The following PPP2R5E variants were observed in gnomAD, a reference collection of about 807,000 sequenced individuals.
PPP2R5E encodes serine/threonine-protein phosphatase 2A 56 kDa regulatory subunit epsilon isoform.
A neutral mutation model predicts 65.3 loss-of-function variants in PPP2R5E; 4 were observed. The observed-to-expected ratio is 0.06, with a 90% CI of 0.03 to 0.14. The LOEUF (loss-of-function observed/expected upper bound fraction) is 0.14, where lower values mean the gene tolerates loss of function less well. Among genes scored for constraint, PPP2R5E ranks in the 10% least tolerant of loss-of-function variants. The pLI, the probability that PPP2R5E is intolerant of heterozygous loss-of-function variation, is 1.00. For synonymous variants in PPP2R5E, 183 were observed against 187.4 expected (o/e 0.98, Z 0.19); for missense variants, 274 against 556.1 (o/e 0.49, Z 5.10).
chr14:63,492,245 AAAT>A (rs1179760400), intron 2 of PPP2R5E, among the ~76,000 whole-genome samples: 1 of 152,108 alleles, frequency 6.6e-6, no homozygotes, highest in Admixed American at 6.6e-5. Flanking sequence ...AAGGAAGAAA[AAAT>A]AATAATGCTT....
intron 5 of PPP2R5E, among the ~76,000 whole-genome samples, chr14:63,407,501 T>A (rs1283822939): frequency 6.6e-6 from 1 of 152,228 alleles, no homozygotes; most frequent in Non-Finnish European, 1.5e-5. Flanking sequence ...AATGAGAATG[T>A]ACTTGCAGAT....
chr14:63,475,187 G>A (rs1036174944), intron 2 of PPP2R5E, among the ~76,000 whole-genome samples: 6 of 152,068 alleles, frequency 3.9e-5, no homozygotes, highest in African/African-American at 7.3e-5. Flanking sequence ...TCCTGCCTTC[G>A]TCAACTCTTT....
At position 63,381,911 on chromosome 14, in the gene PPP2R5E, C is replaced by T. The variant is rs1038116450; in HGVS notation, c.1304+145G>A. 15 of 601,856 alleles carry T rather than the reference C, an allele frequency of 2.5e-5. No individual in the cohort carries two copies. The Admixed American group carries it at 4.4e-4, about 18-fold the overall frequency. The allele number at this position is 601,856 out of a possible 1,614,324, so 37.3% of individuals were successfully genotyped here. A position where few individuals can be genotyped will look rare whatever the true frequency, so the allele number is the denominator to read the frequency against. On this transcript the variant is annotated intron_variant, in intron 13 of 13. Transcript: ENST00000337537. Reference sequence around the variant, plus strand: ...TTGCCTAAGGATGCATTTCTCAGAACATATACTGGTTGTTAAGTAATGCAT... The same window carrying T: ...TTGCCTAAGGATGCATTTCTCAGAATATATACTGGTTGTTAAGTAATGCAT...
chr14:63,411,726 C>A (rs1484236458), intron 5 of PPP2R5E, among the ~76,000 whole-genome samples: 4 of 150,812 alleles, frequency 2.7e-5, no homozygotes, highest in African/African-American at 9.8e-5. Context: ...TCTCTCACCA[C>A]GTGACACACA....
At chr14:63,408,181 T>C (rs749765180) in intron 5 of PPP2R5E, among the ~76,000 whole-genome samples, 10 of 152,340 alleles carry the variant, frequency 6.6e-5, no homozygotes, top group South Asian at 4.1e-4. Flanking sequence ...CACAGTACAA[T>C]TACCTCCTAC....
intron 2 of PPP2R5E, among the ~76,000 whole-genome samples, chr14:63,510,772 A>C (rs887270577): frequency 4.7e-4 from 72 of 152,370 alleles, no homozygotes; most frequent in Non-Finnish European, 5.7e-4. Flanking sequence ...TTCTGAATGA[A>C]ATGAGAAGCC....
chr14:63,495,852 A>G (rs1255619), intron 2 of PPP2R5E, among the ~76,000 whole-genome samples: 48,812 of 151,478 alleles, frequency 0.32, 11,730 homozygotes, highest in African/African-American at 0.68. Flanking sequence ...CACCTTGCCC[A>G]GCTAGTTTCT....
intron 3 of PPP2R5E, among the ~76,000 whole-genome samples, chr14:63,424,881 G>C (rs985439481): frequency 6.6e-6 from 1 of 152,186 alleles, no homozygotes; most frequent in African/African-American, 2.4e-5. Context: ...CAGAAGCTAA[G>C]AGAGAATAGT....
intron 2 of PPP2R5E, among the ~76,000 whole-genome samples, chr14:63,519,122 G>A (rs1262083736): frequency 5.9e-5 from 9 of 152,098 alleles, no homozygotes; most frequent in Non-Finnish European, 4.4e-5. Context: ...GGTGGGGCAG[G>A]AGAATCGCTT....
intron 2 of PPP2R5E, among the ~76,000 whole-genome samples, chr14:63,526,153 C>A (rs908952113): frequency 9.9e-5 from 15 of 152,112 alleles, no homozygotes; most frequent in African/African-American, 3.4e-4. Context: ...AGCCACCATG[C>A]CTGGCCCTCT....
At chr14:63,495,863 T>C (rs765924481) in intron 2 of PPP2R5E, among the ~76,000 whole-genome samples, 8 of 151,774 alleles carry the variant, frequency 5.3e-5, no homozygotes, top group Non-Finnish European at 8.8e-5. Context: ...GCTAGTTTCT[T>C]TGATTTTTGT....
At chr14:63,520,714 A>G (rs1892864947) in intron 2 of PPP2R5E, among the ~76,000 whole-genome samples, 1 of 152,026 alleles carries the variant, frequency 6.6e-6, no homozygotes. Flanking sequence ...CTTCATATAC[A>G]TTTAGAAAAA....
intron 2 of PPP2R5E, among the ~76,000 whole-genome samples, chr14:63,507,669 T>C (rs1290139314): frequency 7.2e-6 from 1 of 138,906 alleles, no homozygotes; most frequent in African/African-American, 2.7e-5. Flanking sequence ...AAGCTCCGCC[T>C]CCCAGGTTCA....
At chr14:63,430,401 G>GCATGCATGCATACATACATGCATA (rs1268327006) in intron 3 of PPP2R5E, among the ~76,000 whole-genome samples, 4 of 143,738 alleles carry the variant, frequency 2.8e-5, no homozygotes, top group African/African-American at 8.4e-5. Context: ...ATACATACAT[G>GCATGCATGCATACATACATGCATA]CATACATACA....
chr14:63,520,910 G>T (rs1892881385), intron 2 of PPP2R5E, among the ~76,000 whole-genome samples: 1 of 150,268 alleles, frequency 6.7e-6, no homozygotes, highest in Non-Finnish European at 1.5e-5. Flanking sequence ...ATGGTAGCAG[G>T]TGCCTGTGGT....
At chr14:63,396,997 T>C (rs1009415587) in intron 5 of PPP2R5E, among the ~76,000 whole-genome samples, 39 of 152,324 alleles carry the variant, frequency 2.6e-4, no homozygotes, top group African/African-American at 9.1e-4. Context: ...TCAGGCAATT[T>C]TCCAAGCAAT....
chr14:63,497,480 C>T (rs1321499466), intron 2 of PPP2R5E, among the ~76,000 whole-genome samples: 1 of 152,030 alleles, frequency 6.6e-6, no homozygotes, highest in East Asian at 1.9e-4. Flanking sequence ...TGGCCAGGTG[C>T]AGTGGCTCCC....
At position 63,391,988 on chromosome 14, in the gene PPP2R5E, G is replaced by C. The variant is rs1566669242; in HGVS notation, c.887C>G (p.Pro296Arg). 6.2e-7 allele frequency: 1 copy of C among 1,610,860 alleles called. No homozygotes were observed. The change falls in exon 9 of 14, where the codon CCT (proline) becomes CGT (arginine). Residue 296 changes from proline (P) to arginine (R), a missense_variant. Around this residue, in one of 6 missense-constraint regions of PPP2R5E, gnomAD observed 129 missense variants for 254.9 expected, o/e 0.51. Transcript: ENST00000337537. ...YCIVQFLEKD[P>R]SLTEPVIRGL... ...AAGACTTACTGGTTCTGTGAGTGAA[G>C]GATCTTTCTCCAGAAACTGTACTAT... is the stretch of plus-strand genomic sequence containing the variant.
intron 13 of PPP2R5E, among the ~76,000 whole-genome samples, chr14:63,378,910 A>C (rs1206416068): frequency 1.3e-5 from 2 of 152,148 alleles, no homozygotes; most frequent in Non-Finnish European, 2.9e-5. Context: ...GTACCAACTA[A>C]ATTTCTTCAT....
Sources: allele counts gnomAD v4.1 joint callset (sites outside exome capture counted in the v4.1 genomes callset), GRCh38; gene constraint gnomAD v4.1.1; regional missense constraint gnomAD v4.1.1; transcripts MANE v1.5; gene names NCBI Gene and HGNC (gene_info 2026-07-23, HGNC 2026-07-21).